ARHGAP5: variants seen among roughly 807,000 people sequenced by gnomAD.
The protein encoded by ARHGAP5 is rho GTPase-activating protein 5.
A neutral mutation model predicts 116.6 loss-of-function variants in ARHGAP5; 23 were observed. That is an observed-to-expected ratio of 0.20 (90% CI 0.14 to 0.28). ARHGAP5 has a LOEUF of 0.28. Among genes scored for constraint, ARHGAP5 ranks in the 10% least tolerant of loss-of-function variants. The pLI is 1.00. For missense variants in ARHGAP5, 1,405 were observed against 1,774.8 expected, an observed-to-expected ratio of 0.79 and a Z score of 3.74; for synonymous variants, 574 against 602.0, an observed-to-expected ratio of 0.95 and a Z score of 0.68.
At position 32,090,637 on chromosome 14, in the gene ARHGAP5, C is replaced by T; in HGVS notation, c.-33C>T. On this transcript the variant is annotated 5_prime_UTR_variant, in exon 2 of 7. Coordinates refer to ENST00000345122, the MANE Select transcript of ARHGAP5 (RefSeq NM_001030055.2). ...TCAGAATGAGAAGCATATCTGGTTA[C>T]CTTTATGAATGTAGAGACATGAGAA... 2.6e-6 allele frequency: 4 copies of T among 1,515,706 alleles called. No homozygotes were observed. Among genetic ancestry groups the T allele is most frequent in the Non-Finnish European group, 2.7e-6 (3 of 1,126,360 alleles). 93.9% of individuals were successfully genotyped at this position (1,515,706 alleles called of 1,614,324 possible).
rs1258552895 is a variant in ARHGAP5 at position 32,090,600 on chromosome 14, A to G, written c.-70A>G. The G allele has an allele frequency of 5.1e-6, 7 of 1,361,778 alleles. No individual in the cohort carries two copies. The highest frequency in any genetic ancestry group is 2.3e-5 in the East Asian group (1 of 43,234). 84.4% of individuals were successfully genotyped at this position (1,361,778 alleles called of 1,614,324 possible). A position where few individuals can be genotyped will look rare whatever the true frequency, so the allele number is the denominator to read the frequency against. On this transcript the variant is annotated 5_prime_UTR_variant, in exon 2 of 7. It removes an upstream start codon present in the reference 5' UTR. Transcript: ENST00000345122. ...TGAAATTTGGGATCTGTATTTTGAG[A>G]TGATTTTATTTTCAGAATGAGAAGC...
At chr14:32,103,204 T>A (rs1191547896) in intron 2 of ARHGAP5, among the ~76,000 whole-genome samples, 1 of 152,240 alleles carries the variant, frequency 6.6e-6, no homozygotes, top group South Asian at 2.1e-4. Context: ...TATGATAACA[T>A]AAGTGTGGAT....
At chr14:32,129,491 C>CTCTGTA (rs1480045332) in intron 3 of ARHGAP5, among the ~76,000 whole-genome samples, 6 of 152,194 alleles carry the variant, frequency 3.9e-5, no homozygotes, top group African/African-American at 1.4e-4. Flanking sequence ...TAATAGCCTT[C>CTCTGTA]TCTGTATATT....
At chr14:32,127,742 G>C (rs896807243) in intron 3 of ARHGAP5, among the ~76,000 whole-genome samples, 1 of 151,376 alleles carries the variant, frequency 6.6e-6, no homozygotes, top group Non-Finnish European at 1.5e-5. Flanking sequence ...CTTCCCAGAC[G>C]TGGTGGCCAG....
At chr14:32,127,310 A>G (rs1948663435) in intron 3 of ARHGAP5, among the ~76,000 whole-genome samples, 1 of 152,140 alleles carries the variant, frequency 6.6e-6, no homozygotes, top group South Asian at 2.1e-4. Context: ...TTCTAGGCAG[A>G]GGACCCTGCA....
chr14:32,146,108 C>T (rs901906386), intron 3 of ARHGAP5, among the ~76,000 whole-genome samples, 155 bp from the exon 4 acceptor site: 7 of 152,062 alleles, frequency 4.6e-5, no homozygotes, highest in Admixed American at 1.3e-4. Flanking sequence ...GACAGAGTCT[C>T]CCTGTGTTGC....
At chr14:32,146,140 G>A in intron 3 of ARHGAP5, 123 bp from the exon 4 acceptor site, 1 of 634,410 alleles carries the variant, frequency 1.6e-6, no homozygotes, top group East Asian at 2.9e-5. Flanking sequence ...TCAAACTCCT[G>A]GGCCAAGCAG....
intron 2 of ARHGAP5, among the ~76,000 whole-genome samples, chr14:32,111,098 G>A (rs1879269577): frequency 6.6e-6 from 1 of 152,182 alleles, no homozygotes; most frequent in East Asian, 1.9e-4. Flanking sequence ...GGTGAGTATA[G>A]ATGGAAAAAA....
chr14:32,118,109 T>C (rs781503546), intron 3 of ARHGAP5, among the ~76,000 whole-genome samples: 34 of 152,206 alleles, frequency 2.2e-4, no homozygotes, highest in Non-Finnish European at 3.4e-4. Context: ...AAAATCATGC[T>C]CATTTTTCAC....
Position 32,123,882 on chromosome 14 carries a change from A to C in ARHGAP5, c.3865+6595A>C, listed in dbSNP as rs1880012507. Among the ~76,000 whole-genome samples the C allele has an allele frequency of 2.0e-5, 3 of 152,222 alleles. 1 individual carries two copies. Among genetic ancestry groups the C allele is most frequent in the South Asian group, 4.1e-4 (2 of 4,822 alleles). The stretch of plus-strand genomic sequence containing the variant: ...TATACCTACAATAAAATTAGATTTG[A>C]CCCTGTGCCCCATTTATATTAAAAG... On this transcript the variant is annotated intron_variant, in intron 3 of 6. Transcript: ENST00000345122.
chr14:32,114,489 A>G (rs1879459240), intron 2 of ARHGAP5, among the ~76,000 whole-genome samples: 1 of 152,124 alleles, frequency 6.6e-6, no homozygotes, highest in South Asian at 2.1e-4. Context: ...TGGAGGGATC[A>G]TTTAAGGAAT....
intron 3 of ARHGAP5, among the ~76,000 whole-genome samples, chr14:32,135,262 A>G (rs1397703686): frequency 2.0e-5 from 3 of 152,242 alleles, no homozygotes; most frequent in African/African-American, 7.2e-5. Flanking sequence ...GCAAACACTA[A>G]TGCAAAAAAT....
chr14:32,120,091 T>G (rs961091437), intron 3 of ARHGAP5, among the ~76,000 whole-genome samples: 1 of 152,114 alleles, frequency 6.6e-6, no homozygotes, highest in Non-Finnish European at 1.5e-5. Context: ...TGGAATTTGT[T>G]TGTGAGGAGG....
intron 3 of ARHGAP5, among the ~76,000 whole-genome samples, chr14:32,138,331 C>A (rs1234295441): frequency 6.6e-6 from 1 of 152,220 alleles, no homozygotes; most frequent in Non-Finnish European, 1.5e-5. Flanking sequence ...GTTGCCCAGG[C>A]TGGAGTGCAG....
At chr14:32,120,483 C>T (rs1879829120) in intron 3 of ARHGAP5, among the ~76,000 whole-genome samples, 2 of 151,490 alleles carry the variant, frequency 1.3e-5, no homozygotes, top group Admixed American at 1.3e-4. Flanking sequence ...CTGTGTTAGA[C>T]CAGTTTTCTT....
chr14:32,080,913 C>T (rs1207670753), intron 1 of ARHGAP5, among the ~76,000 whole-genome samples: 1 of 152,116 alleles, frequency 6.6e-6, no homozygotes, highest in East Asian at 1.9e-4. Context: ...AGAGCATAAC[C>T]TTGTAATTTT....
intron 3 of ARHGAP5, among the ~76,000 whole-genome samples, chr14:32,122,863 G>T (rs1047124429): frequency 1.3e-5 from 2 of 152,126 alleles, no homozygotes; most frequent in Admixed American, 1.3e-4. Flanking sequence ...CTGTATGTCT[G>T]TCCATACATG....
At chr14:32,153,148 C>G (rs1881722080) in intron 6 of ARHGAP5, among the ~76,000 whole-genome samples, 1 of 149,280 alleles carries the variant, frequency 6.7e-6, no homozygotes, top group Admixed American at 6.6e-5. Flanking sequence ...TTAAAGCTTA[C>G]TTTTTACTAG....
intron 1 of ARHGAP5, among the ~76,000 whole-genome samples, chr14:32,082,360 T>C (rs907045491): frequency 6.6e-6 from 1 of 152,228 alleles, no homozygotes; most frequent in Non-Finnish European, 1.5e-5. Context: ...ACTTGCCTTG[T>C]TTCATTACCG....
Sources: allele counts gnomAD v4.1 joint callset (sites outside exome capture counted in the v4.1 genomes callset), GRCh38; gene constraint gnomAD v4.1.1; transcripts MANE v1.5; gene names NCBI Gene and HGNC (gene_info 2026-07-23, HGNC 2026-07-21).